CDC42BPA: variants seen among roughly 807,000 people sequenced by gnomAD.
CDC42BPA encodes serine/threonine-protein kinase MRCK alpha.
CDC42BPA carries 80 observed loss-of-function variants against 223.5 expected under a neutral mutation model. The ratio of observed to expected loss-of-function variants is 0.36; its 90% CI spans 0.30 to 0.43. The LOEUF (loss-of-function observed/expected upper bound fraction) is 0.43. CDC42BPA is among the 20% of genes least tolerant of loss of function. CDC42BPA has a pLI of 1.00. For missense variants in CDC42BPA, 1,743 were observed against 2,099.9 expected, an observed-to-expected ratio of 0.83 and a Z score of 3.32; for synonymous variants, 694 against 718.6, an observed-to-expected ratio of 0.97 and a Z score of 0.55.
intron 15 of CDC42BPA, among the ~76,000 whole-genome samples, chr1:227,095,373 G>A (rs1683791357): frequency 6.6e-6 from 1 of 151,968 alleles, no homozygotes; most frequent in African/African-American, 2.4e-5. Flanking sequence ...ACCCTAGATT[G>A]TATTAAAAGT....
At chr1:227,093,682 C>T (rs1683483092) in intron 15 of CDC42BPA, among the ~76,000 whole-genome samples, 1 of 152,126 alleles carries the variant, frequency 6.6e-6, no homozygotes, top group African/African-American at 2.4e-5. Flanking sequence ...TTGTATGTTC[C>T]CTCTCCTGAT....
At chr1:227,207,359 T>A (rs1260288042) in intron 3 of CDC42BPA, among the ~76,000 whole-genome samples, 1 of 148,552 alleles carries the variant, frequency 6.7e-6, no homozygotes, top group African/African-American at 2.5e-5. Flanking sequence ...ATCTTTTTTT[T>A]TCTTTTTCTT....
At chr1:227,224,965 T>A (rs1244345985) in intron 2 of CDC42BPA, among the ~76,000 whole-genome samples, 1 of 152,148 alleles carries the variant, frequency 6.6e-6, no homozygotes, top group Non-Finnish European at 1.5e-5. Flanking sequence ...GAAACTGCAA[T>A]GAGCTAACAG....
At chr1:227,197,083 C>T (rs1411541773) in intron 4 of CDC42BPA, among the ~76,000 whole-genome samples, 2 of 152,030 alleles carry the variant, frequency 1.3e-5, no homozygotes, top group African/African-American at 4.8e-5. Flanking sequence ...TTTTCATAAA[C>T]TATTGTAGTA....
In CDC42BPA at chr1:226,991,856, T is replaced by C. The variant is rs1399041183; in HGVS notation, c.*2412A>G. On this transcript the variant is annotated 3_prime_UTR_variant, in exon 37 of 37. Coordinates refer to ENST00000366766, the MANE Select transcript of CDC42BPA (RefSeq NM_001394014.1). ...ATTACTTGTCAAAGCTACAAACTAATGGCTTATGTCAAGTCCTGTTAATCT... is the reference window on the plus strand; with the variant it reads ...ATTACTTGTCAAAGCTACAAACTAACGGCTTATGTCAAGTCCTGTTAATCT... 6.6e-6 allele frequency: 1 copy of C among 151,460 alleles called. No homozygotes were observed. The highest frequency in any genetic ancestry group is 1.5e-5 in the Non-Finnish European group (1 of 67,956). The allele number at this position is 151,460 out of a possible 1,614,324, so 9.4% of individuals were successfully genotyped here. A position where few individuals can be genotyped will look rare whatever the true frequency, so the allele number is the denominator to read the frequency against.
rs1572388747 is a variant in CDC42BPA at position 227,034,665 on chromosome 1, T to C, written c.3466A>G (p.Ile1156Val). 6.2e-7 allele frequency: 1 copy of C among 1,610,390 alleles called. No homozygotes were observed. ...CCTTCAAACTCTTACCTCATGTCAA[T>C]CACTTGACTAATGACAACACTGGGC... ...SQPSVVISQV[I>V]DMRDEEFSVS... Residue 1156 changes from isoleucine to valine, a missense_variant, in exon 26 of 37, where the codon ATT becomes GTT. Physicochemically the swap from Ile to Val is conservative, Grantham distance 29. Transcript: ENST00000366766.
chr1:227,005,099 G>A lies in CDC42BPA; in HGVS notation c.4870C>T (p.Gln1624Ter). 6.2e-7 allele frequency: 1 copy of A among 1,612,588 alleles called. No homozygotes were observed. Among genetic ancestry groups the A allele is most frequent in the Non-Finnish European group, 8.5e-7 (1 of 1,178,582 alleles). ...CCACTGAATACTGTCCGACTTTCCT[G>A]AGGCCGAGGGTTCTATAAACAAAAG... ...LKDLPMNPRP[Q>*]ESRTVFSGSV... The change falls in exon 35 of 37, where the codon CAG (glutamine) becomes TAG (stop). Residue 1624 changes from glutamine to a stop codon, truncating the protein, a stop_gained. Transcript: ENST00000366766. LOFTEE classifies it high-confidence loss of function.
At chr1:227,142,109 C>A (rs1365172805) in intron 9 of CDC42BPA, among the ~76,000 whole-genome samples, 2 of 152,128 alleles carry the variant, frequency 1.3e-5, no homozygotes, top group East Asian at 1.9e-4. Flanking sequence ...TAAGAATAGT[C>A]AGCTATTTTT....
At chr1:227,117,124 A>G (rs1196490928) in intron 12 of CDC42BPA, among the ~76,000 whole-genome samples, 5 of 152,078 alleles carry the variant, frequency 3.3e-5, no homozygotes, top group Non-Finnish European at 7.4e-5. Flanking sequence ...CTCTCAGGGT[A>G]TTTCTCTTGG....
chr1:227,056,756 G>T (rs1470300129), intron 21 of CDC42BPA, among the ~76,000 whole-genome samples: 2 of 152,172 alleles, frequency 1.3e-5, no homozygotes, highest in East Asian at 1.9e-4. Context: ...AAAGTAGAAG[G>T]TAATTTAATA....
At chr1:227,180,960 G>T (rs1667832496) in intron 5 of CDC42BPA, among the ~76,000 whole-genome samples, 1 of 150,010 alleles carries the variant, frequency 6.7e-6, no homozygotes, top group African/African-American at 2.5e-5. Flanking sequence ...CAACCTATTT[G>T]GCATAAACTT....
chr1:227,104,039 A>T (rs1413169160), intron 14 of CDC42BPA, among the ~76,000 whole-genome samples: 1 of 152,114 alleles, frequency 6.6e-6, no homozygotes, highest in African/African-American at 2.4e-5. Flanking sequence ...CAAAAAGTAA[A>T]ATTTTTACTG....
At chr1:227,306,546 C>G (rs1692583650) in intron 1 of CDC42BPA, among the ~76,000 whole-genome samples, 1 of 152,124 alleles carries the variant, frequency 6.6e-6, no homozygotes, top group South Asian at 2.1e-4. Context: ...CGAACGCATG[C>G]AACAAAAAGG....
chr1:227,281,614 T>C (rs753012878), intron 1 of CDC42BPA, among the ~76,000 whole-genome samples: 4 of 152,016 alleles, frequency 2.6e-5, no homozygotes, highest in Non-Finnish European at 4.4e-5. Context: ...GAGCCAGAGG[T>C]AGTGGGACCT....
intron 1 of CDC42BPA, among the ~76,000 whole-genome samples, chr1:227,258,433 G>A (rs1683479500): frequency 6.6e-6 from 1 of 150,420 alleles, no homozygotes; most frequent in African/African-American, 2.5e-5. Flanking sequence ...TATGAACACA[G>A]AACAATAAAT....
chr1:227,317,505 CTTCT>C lies in CDC42BPA; in HGVS notation c.-327_-324del, dbSNP rs1410424213. 2.7e-6 allele frequency: 1 copy of C among 372,572 alleles called. No individual in the cohort carries two copies. Among genetic ancestry groups the C allele is most frequent in the Non-Finnish European group, 4.6e-6 (1 of 216,686 alleles). The allele number at this position is 372,572 out of a possible 1,614,324, so 23.1% of individuals were successfully genotyped here. ...AGTACAACGAACTAGAGAGTCAACA[CTTCT>C]TTAAAAAAAAAAAAAAAAACTCTTC... On this transcript the variant is annotated 5_prime_UTR_variant, in exon 1 of 37. Coordinates refer to ENST00000366766, the MANE Select transcript of CDC42BPA (RefSeq NM_001394014.1).
At chr1:227,176,277 T>A (rs1416510431) in intron 5 of CDC42BPA, among the ~76,000 whole-genome samples, 1 of 152,142 alleles carries the variant, frequency 6.6e-6, no homozygotes, top group East Asian at 1.9e-4. Context: ...CAATTCAAAT[T>A]CACGACATTA....
intron 1 of CDC42BPA, among the ~76,000 whole-genome samples, chr1:227,274,407 A>C (rs1479817582): frequency 6.6e-6 from 1 of 152,206 alleles, no homozygotes; most frequent in Non-Finnish European, 1.5e-5. Context: ...TAAATGTGGA[A>C]ATTTCAACTG....
intron 21 of CDC42BPA, among the ~76,000 whole-genome samples, chr1:227,062,838 A>AG (rs1426165318): frequency 1.3e-5 from 2 of 152,058 alleles, no homozygotes; most frequent in African/African-American, 4.8e-5. Context: ...CATAAAAAAA[A>AG]AAAAAACTTT....
Sources: gnomAD v4.1 joint callset for allele counts (sites outside exome capture counted in the v4.1 genomes callset) on GRCh38, gnomAD v4.1.1 for gene constraint, MANE v1.5 for transcripts, NCBI Gene and HGNC (gene_info 2026-07-23, HGNC 2026-07-21) for gene names.